Variants in MAPK14 observed in about 807,000 individuals in gnomAD.
MAPK14 encodes mitogen-activated protein kinase 14, also known as CSAID-binding protein.
A neutral mutation model predicts 49.6 loss-of-function variants in MAPK14; 16 were observed. The observed-to-expected ratio is 0.32, with a 90% confidence interval of 0.22 to 0.49. MAPK14 has a LOEUF of 0.49. Ranked by LOEUF, MAPK14 falls within the 20% of genes least tolerant of loss-of-function variation. The probability of loss-of-function intolerance (pLI) is 0.99; values close to 1 mark genes in which losing one functional copy is unlikely to be tolerated. For missense variants in MAPK14, 200 were observed against 441.2 expected (o/e 0.45, Z 4.90); for synonymous variants, 142 against 158.0 (o/e 0.90, Z 0.76).
chr6:36,095,013 A>G (rs1285202196), intron 8 of MAPK14, among the ~76,000 whole-genome samples: 6 of 152,200 alleles, frequency 3.9e-5, no homozygotes, highest in African/African-American at 1.4e-4. Context: ...CTGGAATGTC[A>G]GTCAGTATAA....
intron 1 of MAPK14, among the ~76,000 whole-genome samples, chr6:36,044,087 G>T (rs1403025626): frequency 6.6e-6 from 1 of 152,050 alleles, no homozygotes; most frequent in Non-Finnish European, 1.5e-5. Flanking sequence ...TGGGATTACA[G>T]TCGTGAGCCA....
chr6:36,091,971 C>T, intron 8 of MAPK14: 1 of 314,656 alleles, frequency 3.2e-6, no homozygotes, highest in Non-Finnish European at 6.3e-6. Context: ...ACAAAAATGG[C>T]CAGTGTCGTC....
At chr6:36,038,417 G>C (rs1306879229) in intron 1 of MAPK14, among the ~76,000 whole-genome samples, 1 of 152,144 alleles carries the variant, frequency 6.6e-6, no homozygotes, top group African/African-American at 2.4e-5. Context: ...GATATGCAGG[G>C]ATCATGTAGG....
rs111234964 is a variant in MAPK14 at position 36,028,791 on chromosome 6, C to CTTTTT, written c.116+535_116+539dup. On this transcript the variant is annotated intron_variant, in intron 1 of 11. Transcript: ENST00000229794. This position sits in a 1 kb window ranked among gnomAD's most constrained non-coding sequence, Gnocchi z 5.1. ...ACCAGGAAGGGAGCTCTCTCCGGGC[C>CTTTTT]TTTTTTTTTTTTTTTTTTTTTCAAA... is the stretch of plus-strand genomic sequence containing the variant. 4.2e-3 allele frequency among the ~76,000 whole-genome samples: 421 copies of CTTTTT among 100,352 alleles called. 7 individuals are homozygous for CTTTTT. The highest frequency in any genetic ancestry group is 0.014 in the African/African-American group (400 of 27,614). 65.8% of individuals were successfully genotyped at this position (100,352 alleles called of 152,430 possible). A position where few individuals can be genotyped will look rare whatever the true frequency, so the allele number is the denominator to read the frequency against.
At chr6:36,043,923 G>A (rs895159010) in intron 1 of MAPK14, among the ~76,000 whole-genome samples, 2 of 144,326 alleles carry the variant, frequency 1.4e-5, no homozygotes, top group Admixed American at 7.4e-5. Context: ...CGATTCTCCT[G>A]TGTCAGCCTC....
chr6:36,121,897 A>G, the MAPK14 span, among the ~76,000 whole-genome samples: 5 of 152,188 alleles, frequency 3.3e-5, no homozygotes, highest in Non-Finnish European at 7.3e-5. Context: ...AAAATGGGGG[A>G]TACTGTTAAC....
At chr6:36,094,303 G>A (rs964207389) in intron 8 of MAPK14, among the ~76,000 whole-genome samples, 7 of 152,302 alleles carry the variant, frequency 4.6e-5, no homozygotes, top group South Asian at 2.1e-4. Flanking sequence ...GGGGTTTGGC[G>A]CACCTTTTCT....
intron 3 of MAPK14, among the ~76,000 whole-genome samples, chr6:36,066,079 G>T (rs1764044400): frequency 6.6e-6 from 1 of 151,702 alleles, no homozygotes; most frequent in African/African-American, 2.4e-5. Flanking sequence ...TTTTTTTTCA[G>T]TAACATCTTG....
At chr6:36,111,842 C>T (rs1000880137), downstream of MAPK14, among the ~76,000 whole-genome samples, 1 of 152,148 alleles carries the variant, frequency 6.6e-6, no homozygotes, top group Non-Finnish European at 1.5e-5. Flanking sequence ...CTTTCCATCC[C>T]CAGTGACTTC....
chr6:36,086,157 G>A (rs902998488), intron 8 of MAPK14, among the ~76,000 whole-genome samples: 1 of 152,164 alleles, frequency 6.6e-6, no homozygotes, highest in African/African-American at 2.4e-5. Flanking sequence ...CTAAAGCAGT[G>A]TTAAGAGGGA....
At chr6:36,100,066 G>A (rs1765579996) in intron 9 of MAPK14, 3 of 681,614 alleles carry the variant, frequency 4.4e-6, no homozygotes, top group Non-Finnish European at 8.2e-6. Flanking sequence ...TCTCGGGTAG[G>A]GGGAATGGAG....
At position 36,028,781 on chromosome 6, in the gene MAPK14, C is replaced by T. The variant is rs1691440272; in HGVS notation, c.116+508C>T. Among the ~76,000 whole-genome samples, 1 of 145,192 alleles carries T rather than the reference C, an allele frequency of 6.9e-6. No homozygotes were observed. The highest frequency in any genetic ancestry group is 6.9e-5 in the Admixed American group (1 of 14,456). Reference sequence around the variant, plus strand: ...AACAAAACTGACCAGGAAGGGAGCTCTCTCCGGGCCTTTTTTTTTTTTTTT... The same window carrying T: ...AACAAAACTGACCAGGAAGGGAGCTTTCTCCGGGCCTTTTTTTTTTTTTTT... On this transcript the variant is annotated intron_variant, in intron 1 of 11. Coordinates refer to ENST00000229794, the MANE Select transcript of MAPK14 (RefSeq NM_139012.3). This position sits in a 1 kb window ranked among gnomAD's most constrained non-coding sequence, Gnocchi z 5.1.
intron 1 of MAPK14, among the ~76,000 whole-genome samples, chr6:36,039,412 A>G (rs1232518983): frequency 6.6e-6 from 1 of 152,136 alleles, no homozygotes; most frequent in Non-Finnish European, 1.5e-5. Flanking sequence ...TATTTTCCTC[A>G]AAACTTACTT....
Position 36,044,354 on chromosome 6 carries a change from C to T in MAPK14, c.117-8345C>T, listed in dbSNP as rs577000294. 2.0e-5 allele frequency among the ~76,000 whole-genome samples: 3 copies of T among 152,280 alleles called. No individual in the cohort carries two copies. In the East Asian group the frequency reaches 5.8e-4, roughly 29 times the overall value. On this transcript the variant is annotated intron_variant, in intron 1 of 11. Coordinates refer to ENST00000229794, the MANE Select transcript of MAPK14 (RefSeq NM_139012.3). ...TCTTCATATTCTGTTGATGAAAACA[C>T]AGATTGTTTTTTGAGGAAAATCATG...
chr6:36,042,659 A>ATT (rs1175269944), intron 1 of MAPK14, among the ~76,000 whole-genome samples: 1 of 137,168 alleles, frequency 7.3e-6, no homozygotes. Flanking sequence ...TGCCCACCTA[A>ATT]TTTTTTTTTT....
intron 1 of MAPK14, among the ~76,000 whole-genome samples, chr6:36,043,322 G>A (rs1763039714): frequency 6.6e-6 from 1 of 152,154 alleles, no homozygotes; most frequent in Non-Finnish European, 1.5e-5. Context: ...CTGCTACTCT[G>A]AAGAAGATAA....
In MAPK14 at chr6:36,102,141, A is replaced by G. The variant is rs140577358; in HGVS notation, c.763-430A>G. On this transcript the variant is annotated intron_variant, in intron 9 of 11. Coordinates refer to ENST00000229794, the MANE Select transcript of MAPK14 (RefSeq NM_139012.3). Reference sequence around the variant, plus strand: ...GTTTAATATTGATATCCTTTGATGTACTAAGAGCACCTACTGAAGTCAGCA... The same window carrying G: ...GTTTAATATTGATATCCTTTGATGTGCTAAGAGCACCTACTGAAGTCAGCA... Among the ~76,000 whole-genome samples, 590 of 152,334 alleles carry G rather than the reference A, an allele frequency of 3.9e-3. 6 individuals are homozygous for G. The highest frequency in any genetic ancestry group is 4.5e-3 in the Non-Finnish European group (309 of 68,022).
At chr6:36,095,100 T>G (rs1411174227) in intron 8 of MAPK14, among the ~76,000 whole-genome samples, 1 of 152,212 alleles carries the variant, frequency 6.6e-6, no homozygotes. Context: ...CTTTTTAACT[T>G]CCTTTTTAGG....
At chr6:36,076,825 GA>G (rs1352240871) in intron 8 of MAPK14, 1 of 430,480 alleles carries the variant, frequency 2.3e-6, no homozygotes, top group Non-Finnish European at 4.1e-6. Context: ...CTCATAAGTT[GA>G]AAAACCCATC....
Sources: allele counts gnomAD v4.1 joint callset (sites outside exome capture counted in the v4.1 genomes callset), GRCh38; gene constraint gnomAD v4.1.1; non-coding constraint Gnocchi (gnomAD v3.1); transcripts MANE v1.5; gene names NCBI Gene and HGNC (gene_info 2026-07-23, HGNC 2026-07-21).